VSTM4: variants seen among roughly 807,000 people sequenced by gnomAD.
VSTM4 encodes the protein V-set and transmembrane domain-containing protein 4.
A neutral mutation model predicts 36.4 loss-of-function variants in VSTM4; 20 were observed. That is an observed-to-expected ratio of 0.55 (90% confidence interval 0.39 to 0.80). VSTM4 has a LOEUF of 0.80. Among genes scored for constraint, VSTM4 ranks in the 30% least tolerant of loss-of-function variants. VSTM4 has a pLI of 0.00. For missense variants in VSTM4, 392 were observed against 404.5 expected (o/e 0.97, Z 0.26); for synonymous variants, 182 against 173.9 (o/e 1.05, Z -0.37).
At position 49,019,746 on chromosome 10, in the gene VSTM4, A is replaced by G; in HGVS notation, c.867T>C (p.Tyr289=). 1 of 1,613,352 alleles carries G rather than the reference A, an allele frequency of 6.2e-7. No individual in the cohort carries two copies. Among genetic ancestry groups the G allele is most frequent in the Non-Finnish European group, 8.5e-7 (1 of 1,179,778 alleles). The part of the protein sequence containing the change: ...LPKIAEENLT[Y]AELELIKPHR... ...GGGGTTTGATCAGCTCCAGTTCGGC[A>G]TAGGTTAAGTTTTCCTCAGCAATCT... The change falls in exon 8 of 8, where the codon TAT becomes TAC. Residue 289 remains tyrosine, a synonymous_variant. Coordinates refer to ENST00000332853, the MANE Select transcript of VSTM4 (RefSeq NM_001031746.5).
chr10:49,072,557 A>G (rs1564582953), intron 4 of VSTM4, among the ~76,000 whole-genome samples: 1 of 152,162 alleles, frequency 6.6e-6, no homozygotes, highest in African/African-American at 2.4e-5. Context: ...AAAGATAACC[A>G]CACATTCCTC....
At chr10:49,085,366 G>A (rs937238829) in intron 3 of VSTM4, among the ~76,000 whole-genome samples, 1 of 152,230 alleles carries the variant, frequency 6.6e-6, no homozygotes, top group African/African-American at 2.4e-5. Context: ...AACATTCCAT[G>A]AGTGATTCTA....
intron 1 of VSTM4, among the ~76,000 whole-genome samples, chr10:49,110,937 A>C (rs1346445889): frequency 2.0e-5 from 3 of 152,154 alleles, no homozygotes; most frequent in Non-Finnish European, 4.4e-5. Flanking sequence ...CTCTACCTGC[A>C]CCTTCAGCAC....
intron 4 of VSTM4, among the ~76,000 whole-genome samples, chr10:49,074,184 A>G (rs74939581): frequency 0.18 from 26,943 of 152,246 alleles, 2,708 homozygotes; most frequent in Non-Finnish European, 0.23. Flanking sequence ...GAGGTGTAAT[A>G]CTAGAATTTG....
rs1367965780 is a variant in VSTM4 at position 49,107,623 on chromosome 10, G to A, written c.428C>T (p.Ser143Phe). The A allele has an allele frequency of 6.2e-7, 1 of 1,611,856 alleles. No individual in the cohort carries two copies. The highest frequency in any genetic ancestry group is 2.2e-5 in the East Asian group (1 of 44,830). The change falls in exon 2 of 8, where the codon TCC (serine) becomes TTC (phenylalanine). Residue 143 changes from serine to phenylalanine, a missense_variant. Transcript: ENST00000332853. Reference sequence around the variant, plus strand: ...CATTTCCGTGGCTGAGGAGCCATTGGACCAGGCCGTCCACTTGTTCCTGTG... The same window carrying A: ...CATTTCCGTGGCTGAGGAGCCATTGAACCAGGCCGTCCACTTGTTCCTGTG... The part of the protein sequence containing the change: ...SRHRNKWTAW[S>F]NGSSATEMRV...
intron 7 of VSTM4, among the ~76,000 whole-genome samples, chr10:49,023,952 C>G (rs190510011): frequency 6.6e-6 from 1 of 152,140 alleles, no homozygotes; most frequent in Admixed American, 6.5e-5. Flanking sequence ...CAGACCCGGA[C>G]CGAGTTTTAC....
Position 49,019,739 on chromosome 10 carries a change from G to T in VSTM4, c.874C>A (p.Leu292Met). 6.2e-7 allele frequency: 1 copy of T among 1,613,912 alleles called. No individual in the cohort carries two copies. The highest frequency in any genetic ancestry group is 1.1e-5 in the South Asian group (1 of 91,036). ...GCCCGGTGGGGTTTGATCAGCTCCAGTTCGGCATAGGTTAAGTTTTCCTCA... is the reference window on the plus strand; with the variant it reads ...GCCCGGTGGGGTTTGATCAGCTCCATTTCGGCATAGGTTAAGTTTTCCTCA... ...IAEENLTYAE[L>M]ELIKPHRAAK... Residue 292 changes from leucine (L) to methionine (M), a missense_variant, in exon 8 of 8, where the codon CTG becomes ATG. Coordinates refer to ENST00000332853, the MANE Select transcript of VSTM4 (RefSeq NM_001031746.5).
chr10:49,042,823 T>A, intron 7 of VSTM4, among the ~76,000 whole-genome samples: 1 of 152,224 alleles, frequency 6.6e-6, no homozygotes, highest in South Asian at 2.1e-4. Flanking sequence ...GGATGATTAA[T>A]AGATATAAAC....
chr10:49,046,871 CA>C, intron 7 of VSTM4, 111 bp downstream of exon 7: 1 of 1,107,766 alleles, frequency 9.0e-7, no homozygotes, highest in Non-Finnish European at 1.4e-6. Flanking sequence ...TGTTTGGGGA[CA>C]AAAGTTTCTA....
rs971570489 is a variant in VSTM4 at position 49,115,441 on chromosome 10, A to G, written c.45T>C (p.Ala15=). ...CCCCGCCGCGCTTACCCGGAGCCGG[A>G]GCCCGCGCCAGCAGCGCGGCCGCCG... ...ALAAAALLAR[A]PAPEVCAALN... is the part of the protein sequence containing the mutation. Residue 15 remains alanine (A), a synonymous_variant, in exon 1 of 8, where the codon GCT becomes GCC. Coordinates refer to ENST00000332853, the MANE Select transcript of VSTM4 (RefSeq NM_001031746.5). 9.6e-7 allele frequency: 1 copy of G among 1,043,242 alleles called. No homozygotes were observed. The highest frequency in any genetic ancestry group is 1.2e-6 in the Non-Finnish European group (1 of 862,298). 64.6% of individuals were successfully genotyped at this position (1,043,242 alleles called of 1,614,324 possible).
At chr10:49,029,932 G>A (rs1843319597) in intron 7 of VSTM4, among the ~76,000 whole-genome samples, 1 of 152,200 alleles carries the variant, frequency 6.6e-6, no homozygotes, top group Non-Finnish European at 1.5e-5. Context: ...GGAGGGGAAA[G>A]AAAGAATCTC....
chr10:49,046,987 G>A lies in VSTM4; in HGVS notation c.833C>T (p.Thr278Met), dbSNP rs371290102. ...ATACAGAAGACGGTTACTTACCAGCGTGACTTTTCTCTGTGGTTTCAGCAG... is the reference window on the plus strand; with the variant it reads ...ATACAGAAGACGGTTACTTACCAGCATGACTTTTCTCTGTGGTTTCAGCAG... ...PKLLKPQRKVTLPKIAEENLT... is the reference protein window; with the variant it reads ...PKLLKPQRKVMLPKIAEENLT... The change falls in exon 7 of 8, where the codon ACG becomes ATG. Residue 278 changes from threonine to methionine, a missense_variant. Physicochemically the swap from Thr to Met is moderately conservative, Grantham distance 81. Transcript: ENST00000332853. 19 of 1,613,942 alleles carry A rather than the reference G, an allele frequency of 1.2e-5. No homozygotes were observed. Among genetic ancestry groups the A allele is most frequent in the African/African-American group, 4.0e-5 (3 of 74,888 alleles).
At chr10:49,022,512 G>A (rs796595863) in intron 7 of VSTM4, among the ~76,000 whole-genome samples, 1 of 152,258 alleles carries the variant, frequency 6.6e-6, no homozygotes, top group African/African-American at 2.4e-5. Context: ...GGGGGTGACT[G>A]CCAAGTGACC....
At chr10:49,100,149 C>G (rs1844642530) in intron 2 of VSTM4, among the ~76,000 whole-genome samples, 1 of 152,128 alleles carries the variant, frequency 6.6e-6, no homozygotes, top group Non-Finnish European at 1.5e-5. Context: ...CCACGGTTGC[C>G]TCAAAGCTGG....
intron 3 of VSTM4, among the ~76,000 whole-genome samples, chr10:49,081,793 A>G (rs1182684724): frequency 6.6e-6 from 1 of 152,138 alleles, no homozygotes; most frequent in Non-Finnish European, 1.5e-5. Context: ...CACACACACA[A>G]GACCGGTCAT....
intron 2 of VSTM4, among the ~76,000 whole-genome samples, chr10:49,087,837 T>C (rs1844395217): frequency 6.6e-6 from 1 of 151,302 alleles, no homozygotes. Context: ...TCTAACTACC[T>C]ATCTAGTCCT....
At chr10:49,020,573 A>G (rs79332831) in intron 7 of VSTM4, among the ~76,000 whole-genome samples, 5 of 152,262 alleles carry the variant, frequency 3.3e-5, no homozygotes, top group African/African-American at 1.2e-4. Context: ...TAAACAAGAC[A>G]GTTTGCTGAA....
intron 5 of VSTM4, among the ~76,000 whole-genome samples, chr10:49,060,778 T>C (rs913856573): frequency 1.3e-5 from 2 of 152,226 alleles, no homozygotes; most frequent in Admixed American, 6.5e-5. Flanking sequence ...TGTTCTCTTC[T>C]AGAAATGTTG....
intron 3 of VSTM4, among the ~76,000 whole-genome samples, chr10:49,085,544 C>A (rs888730071): frequency 3.3e-5 from 5 of 152,194 alleles, no homozygotes; most frequent in Non-Finnish European, 7.3e-5. Flanking sequence ...TGGAGCAAAA[C>A]AAAACAAACA....
Sources: gnomAD v4.1 joint callset for allele counts (sites outside exome capture counted in the v4.1 genomes callset) on GRCh38, gnomAD v4.1.1 for gene constraint, MANE v1.5 for transcripts, NCBI Gene and HGNC (gene_info 2026-07-23, HGNC 2026-07-21) for gene names.